Variants in FUT9 observed in about 807,000 individuals in gnomAD.
FUT9 encodes the protein 4-galactosyl-N-acetylglucosaminide 3-alpha-L-fucosyltransferase 9.
Under a neutral mutation model 29.7 loss-of-function variants are expected in FUT9, and 15 were observed. The ratio of observed to expected loss-of-function variants is 0.51; its 90% CI spans 0.34 to 0.78. The LOEUF (loss-of-function observed/expected upper bound fraction) is 0.78. Ranked by LOEUF, FUT9 falls within the 30% of genes least tolerant of loss-of-function variation. The pLI, the probability that FUT9 is intolerant of heterozygous loss-of-function variation, is 0.01. For missense variants in FUT9, 319 were observed against 425.4 expected (o/e 0.75, Z 2.20); for synonymous variants, 169 against 153.7 (o/e 1.10, Z -0.74).
Position 96,203,972 on chromosome 6 carries a change from T to A in FUT9, c.817T>A (p.Ser273Thr). The stretch of plus-strand genomic sequence containing the variant: ...CTCTGTACCTGTTGTTCTGGGACCA[T>A]CTAGGGAAAACTATGAGAATTATAT... The part of the protein sequence containing the change: ...AGSVPVVLGP[S>T]RENYENYIPA... The change falls in exon 3 of 3, where the codon TCT becomes ACT. Residue 273 changes from serine to threonine, a missense_variant. By Grantham distance (58) the Ser-to-Thr change is moderately conservative. Coordinates refer to ENST00000302103, the MANE Select transcript of FUT9 (RefSeq NM_006581.4). 6.2e-7 allele frequency: 1 copy of A among 1,613,570 alleles called. No homozygotes were observed. The highest frequency in any genetic ancestry group is 8.5e-7 in the Non-Finnish European group (1 of 1,179,820).
chr6:96,085,127 T>G (rs568114241), intron 1 of FUT9, among the ~76,000 whole-genome samples: 2 of 152,266 alleles, frequency 1.3e-5, no homozygotes, highest in African/African-American at 4.8e-5. Context: ...AAAAAGTGTA[T>G]AAGCAAACAT....
At chr6:96,144,452 A>G (rs770067407) in intron 2 of FUT9, among the ~76,000 whole-genome samples, 12 of 152,214 alleles carry the variant, frequency 7.9e-5, no homozygotes, top group Non-Finnish European at 1.3e-4. Flanking sequence ...TGCACCCTAC[A>G]ATAATTGGAT....
At chr6:96,046,221 G>GCACGCA (rs1554188605) in intron 1 of FUT9, among the ~76,000 whole-genome samples, 1 of 148,084 alleles carries the variant, frequency 6.8e-6, no homozygotes, top group East Asian at 2.0e-4. Context: ...ACACAGATAT[G>GCACGCA]CACACACACA....
chr6:96,027,959 A>G (rs1172835940), intron 1 of FUT9, among the ~76,000 whole-genome samples: 7 of 151,628 alleles, frequency 4.6e-5, no homozygotes, highest in African/African-American at 1.7e-4. Context: ...CAACATTAAC[A>G]TGTGAATACC....
chr6:96,117,738 G>A (rs4240597), intron 2 of FUT9, among the ~76,000 whole-genome samples: 137,859 of 152,248 alleles, frequency 0.91, 63,644 homozygotes, highest in East Asian at 1. Flanking sequence ...AAGTCTACAC[G>A]ATATGGAAAT....
intron 1 of FUT9, among the ~76,000 whole-genome samples, chr6:96,067,518 T>C (rs1156949814): frequency 6.6e-6 from 1 of 152,110 alleles, no homozygotes; most frequent in African/African-American, 2.4e-5. Context: ...AAGTCTTTGC[T>C]ACACTTTAAA....
At chr6:96,127,084 T>C (rs1044281445) in intron 2 of FUT9, among the ~76,000 whole-genome samples, 4 of 152,220 alleles carry the variant, frequency 2.6e-5, no homozygotes, top group South Asian at 2.1e-4. Context: ...GTTTGTTAGA[T>C]AGGTAAATTG....
intron 1 of FUT9, among the ~76,000 whole-genome samples, chr6:96,029,438 A>G (rs1033345701): frequency 6.6e-6 from 1 of 151,488 alleles, no homozygotes; most frequent in Non-Finnish European, 1.5e-5. Context: ...CAGATAAAGC[A>G]CAAAATCCCA....
At chr6:96,139,297 T>C (rs1185335260) in intron 2 of FUT9, among the ~76,000 whole-genome samples, 3 of 152,158 alleles carry the variant, frequency 2.0e-5, no homozygotes, top group East Asian at 1.9e-4. Context: ...ATCCAGGTCA[T>C]ACTGATGCAA....
chr6:96,060,152 C>T (rs375859970), intron 1 of FUT9, among the ~76,000 whole-genome samples: 18 of 152,292 alleles, frequency 1.2e-4, no homozygotes, highest in African/African-American at 4.1e-4. Context: ...AATGATCCTG[C>T]TCTGAATTAA....
chr6:96,142,478 A>G (rs1259712442), intron 2 of FUT9, among the ~76,000 whole-genome samples: 1 of 152,188 alleles, frequency 6.6e-6, no homozygotes, highest in Non-Finnish European at 1.5e-5. Context: ...CAGAAGATCT[A>G]TAAAAGAAGA....
chr6:96,121,792 C>G (rs1017621421), intron 2 of FUT9, among the ~76,000 whole-genome samples: 17 of 151,740 alleles, frequency 1.1e-4, no homozygotes, highest in African/African-American at 3.9e-4. Context: ...CATTTAAATC[C>G]CCCAAATGAA....
intron 2 of FUT9, among the ~76,000 whole-genome samples, chr6:96,166,735 T>C (rs1415510670): frequency 6.6e-6 from 1 of 152,140 alleles, no homozygotes; most frequent in Non-Finnish European, 1.5e-5. Context: ...CCCACTGATA[T>C]AAAAATCTAT....
intron 2 of FUT9, among the ~76,000 whole-genome samples, chr6:96,186,017 C>T (rs1773400109): frequency 1.3e-5 from 2 of 152,172 alleles, no homozygotes; most frequent in African/African-American, 2.4e-5. Context: ...TGGATATTTA[C>T]TTCTAAACTC....
intron 2 of FUT9, among the ~76,000 whole-genome samples, chr6:96,139,454 C>T (rs918069757): frequency 6.6e-6 from 1 of 152,148 alleles, no homozygotes; most frequent in East Asian, 1.9e-4. Flanking sequence ...TATTATTCTG[C>T]AGTCTGGAGG....
intron 1 of FUT9, among the ~76,000 whole-genome samples, chr6:96,108,369 G>A (rs1037064839): frequency 1.3e-5 from 2 of 152,112 alleles, no homozygotes; most frequent in East Asian, 1.9e-4. Flanking sequence ...CAAGCTGAAT[G>A]ACCTTGGACA....
chr6:96,101,250 A>G (rs1771580701), intron 1 of FUT9, among the ~76,000 whole-genome samples: 1 of 152,192 alleles, frequency 6.6e-6, no homozygotes, highest in South Asian at 2.1e-4. Context: ...TTAAGAACAT[A>G]AAAATGGGCC....
chr6:96,032,971 A>ATGACGGTTTT (rs1188384687), intron 1 of FUT9, among the ~76,000 whole-genome samples: 1 of 151,674 alleles, frequency 6.6e-6, no homozygotes, highest in Non-Finnish European at 1.5e-5. Flanking sequence ...TCAACTCGGC[A>ATGACGGTTTT]TGACGGTTTT....
At chr6:96,060,839 G>A (rs905048462) in intron 1 of FUT9, among the ~76,000 whole-genome samples, 1 of 152,120 alleles carries the variant, frequency 6.6e-6, no homozygotes, top group African/African-American at 2.4e-5. Flanking sequence ...CACCTGGCCA[G>A]CATACTTAAC....
Sources: gnomAD v4.1 joint callset for allele counts (sites outside exome capture counted in the v4.1 genomes callset) on GRCh38, gnomAD v4.1.1 for gene constraint, MANE v1.5 for transcripts, NCBI Gene and HGNC (gene_info 2026-07-23, HGNC 2026-07-21) for gene names.